The following PLEKHJ1 variants were observed in gnomAD, a reference collection of about 807,000 sequenced individuals.
PLEKHJ1 encodes the protein pleckstrin homology domain-containing family J member 1.
Under a neutral mutation model 21.7 loss-of-function variants are expected in PLEKHJ1, and 20 were observed. The ratio of observed to expected loss-of-function variants is 0.92; its 90% confidence interval spans 0.65 to 1.34. PLEKHJ1 has a LOEUF of 1.34. Among genes scored for constraint, PLEKHJ1 ranks in the 40% most tolerant of loss-of-function variants. The probability of loss-of-function intolerance (pLI) is 0.00; values close to 1 mark genes in which losing one functional copy is unlikely to be tolerated. For missense variants in PLEKHJ1, 241 were observed against 202.0 expected (o/e 1.19, Z -1.17); for synonymous variants, 113 against 80.6 (o/e 1.40, Z -2.15).
At chr19:2,235,447 A>C in intron 3 of PLEKHJ1, 1 of 414,700 alleles carries the variant, frequency 2.4e-6, no homozygotes, top group Non-Finnish European at 4.3e-6. Flanking sequence ...GACCCATGCT[A>C]CTCTTGGCAG....
chr19:2,232,877 A>G (rs926423797), downstream of PLEKHJ1, among the ~76,000 whole-genome samples: 2 of 152,180 alleles, frequency 1.3e-5, no homozygotes, highest in African/African-American at 4.8e-5. Context: ...TTCACATCAG[A>G]TGGACCAAAG....
At chr19:2,235,391 C>G (rs1470869476) in intron 3 of PLEKHJ1, 2 of 239,430 alleles carry the variant, frequency 8.4e-6, no homozygotes, top group African/African-American at 2.3e-5. Flanking sequence ...CTCACTCCTC[C>G]TACCCCCACC....
At chr19:2,232,184 G>A (rs2024629184), downstream of PLEKHJ1, 1 of 224,322 alleles carries the variant, frequency 4.5e-6, no homozygotes, top group Non-Finnish European at 8.9e-6. Flanking sequence ...GCGGCGCCTG[G>A]GAGTGGCTCT....
downstream of PLEKHJ1, chr19:2,231,036 C>G (rs1389223215): frequency 4.2e-6 from 1 of 236,166 alleles, no homozygotes; most frequent in Non-Finnish European, 8.3e-6. Context: ...TTGGCGGGTG[C>G]CTGGGACTGG....
chr19:2,230,404 A>C, downstream of PLEKHJ1: 1 of 402,560 alleles, frequency 2.5e-6, no homozygotes, highest in Non-Finnish European at 4.4e-6. Context: ...GTGAACCCCC[A>C]GACTGTTCAC....
downstream of PLEKHJ1, chr19:2,232,081 T>C (rs1222661659): frequency 1.9e-5 from 4 of 212,544 alleles, no homozygotes; most frequent in South Asian, 3.7e-4. Flanking sequence ...CTGTGGAGAC[T>C]GGGGATCTGG....
rs2024787634 is a variant in PLEKHJ1, at chr19:2,235,751, G to C, written c.229+11C>G. 6.5e-7 allele frequency: 1 copy of C among 1,547,600 alleles called. No individual in the cohort carries two copies. Among genetic ancestry groups the C allele is most frequent in the East Asian group, 2.4e-5 (1 of 40,896 alleles). On this transcript the variant is annotated intron_variant, in intron 3 of 5. Coordinates refer to ENST00000326631, the MANE Select transcript of PLEKHJ1 (RefSeq NM_018049.3). ...GCGGGAAGCGCCGCTGGCTTCCCTA[G>C]CCCCACTCACTGATGGAGAAGGTGC...
rs1290767479 is a variant in PLEKHJ1, at chr19:2,233,227, GC to G, written c.*612del. The G allele has an allele frequency of 2.0e-5, 3 of 153,108 alleles. No homozygotes were observed. In the East Asian group the frequency reaches 5.8e-4, roughly 29 times the overall value. 9.5% of individuals were successfully genotyped at this position (153,108 alleles called of 1,614,324 possible). ...GGGCAACCACTTCCCCAGGTGCACA[GC>G]CAGGGCCCTCCTGTCTGCAGGAGAA... is the stretch of plus-strand genomic sequence containing the variant. On this transcript the variant is annotated 3_prime_UTR_variant, in exon 6 of 6. Transcript: ENST00000326631.
At chr19:2,236,044 C>A (rs984210632) in intron 1 of PLEKHJ1, 54 bp from the exon 2 acceptor site, 5 of 1,504,972 alleles carry the variant, frequency 3.3e-6, no homozygotes, top group Non-Finnish European at 4.4e-6. Context: ...CGGACCCCGG[C>A]CTCCCGTCCC....
intron 1 of PLEKHJ1, 81 bp downstream of exon 1, chr19:2,236,074 C>T (rs1568385801): frequency 2.1e-6 from 3 of 1,423,402 alleles, no homozygotes; most frequent in Non-Finnish European, 2.8e-6. Context: ...GACCCGGACT[C>T]CGGCCTCCGG....
downstream of PLEKHJ1, among the ~76,000 whole-genome samples, chr19:2,232,833 G>T (rs143578159): frequency 4.8e-3 from 727 of 152,334 alleles, 7 homozygotes; most frequent in Non-Finnish European, 5.7e-3. Flanking sequence ...CGGAAAACCA[G>T]ATCTGCGACC....
At chr19:2,233,137 C>G (rs1276565947), downstream of PLEKHJ1, 1 of 152,664 alleles carries the variant, frequency 6.6e-6, no homozygotes, top group Non-Finnish European at 1.5e-5. Flanking sequence ...CTCTCCTTCA[C>G]TTCACCGCCA....
downstream of PLEKHJ1, chr19:2,231,671 C>G (rs2024603902): frequency 4.7e-6 from 1 of 214,808 alleles, no homozygotes; most frequent in African/African-American, 2.3e-5. Context: ...GCCTTCAGGA[C>G]AGGCAGCCTG....
chr19:2,235,378 C>G, intron 3 of PLEKHJ1: 1 of 219,752 alleles, frequency 4.6e-6, no homozygotes, highest in East Asian at 1.0e-4. Context: ...AGAACACCCC[C>G]CTCTCACTCC....
chr19:2,234,435 G>C (rs561641958), intron 3 of PLEKHJ1, 195 bp from the exon 4 acceptor site: 1 of 567,992 alleles, frequency 1.8e-6, no homozygotes, highest in East Asian at 2.9e-5. Context: ...TTGTCGCCAG[G>C]TGCGGTGGCT....
chr19:2,231,394 C>T (rs139473735), downstream of PLEKHJ1: 447 of 204,756 alleles, frequency 2.2e-3, 3 homozygotes, highest in African/African-American at 6.6e-3. Context: ...CCAAAGGGAG[C>T]CACGGAGGAA....
Position 2,233,516 on chromosome 19 carries a change from C to T in PLEKHJ1, c.*324G>A. The T allele has an allele frequency of 2.3e-6, 1 of 434,156 alleles. No homozygotes were observed. Among genetic ancestry groups the T allele is most frequent in the South Asian group, 3.8e-5 (1 of 26,616 alleles). The allele number at this position is 434,156 out of a possible 1,614,324, so 26.9% of individuals were successfully genotyped here. A position where few individuals can be genotyped will look rare whatever the true frequency, so the allele number is the denominator to read the frequency against. ...CTGGGCAGTTTCATAAAATGCAGCC[C>T]CTGCCCACACCCACCTGGCTTCAGG... On this transcript the variant is annotated 3_prime_UTR_variant, in exon 6 of 6. Transcript: ENST00000326631.
chr19:2,230,114 T>C (rs983497085), downstream of PLEKHJ1: 3 of 535,338 alleles, frequency 5.6e-6, no homozygotes, highest in Admixed American at 3.6e-5. Flanking sequence ...TAAAGACACG[T>C]GTCTGCAGGG....
chr19:2,234,951 G>A (rs961612380), intron 3 of PLEKHJ1: 20 of 152,160 alleles, frequency 1.3e-4, no homozygotes, highest in African/African-American at 3.9e-4. Context: ...AGGGAGCCGA[G>A]ATTGCACCAC....
Sources: gnomAD v4.1 joint callset for allele counts (sites outside exome capture counted in the v4.1 genomes callset) on GRCh38, gnomAD v4.1.1 for gene constraint, MANE v1.5 for transcripts, NCBI Gene and HGNC (gene_info 2026-07-23, HGNC 2026-07-21) for gene names.